LINGO1: variants seen among roughly 807,000 people sequenced by gnomAD.
LINGO1 encodes the protein leucine-rich repeat and immunoglobulin-like domain-containing nogo receptor-interacting protein 1.
A neutral mutation model predicts 37.3 loss-of-function variants in LINGO1; 11 were observed. The ratio of observed to expected loss-of-function variants is 0.29; its 90% CI spans 0.19 to 0.49. The LOEUF is 0.49. Among genes scored for constraint, LINGO1 ranks in the 20% least tolerant of loss-of-function variants. The pLI is 0.99. For missense variants in LINGO1, 585 were observed against 878.2 expected (o/e 0.67, Z 4.22); for synonymous variants, 387 against 403.0 (o/e 0.96, Z 0.48).
In LINGO1 at chr15:77,683,782, C is replaced by T. The variant is rs568537253; in HGVS notation, c.-98-6608G>A. ...GGACTTTCCTACTTTACAGGACACA[C>T]TTCTATATTGTTTCCGTTTTTTAAT... On this transcript the variant is annotated intron_variant, in intron 2 of 3. Transcript: ENST00000559893. 9.2e-5 allele frequency among the ~76,000 whole-genome samples: 14 copies of T among 151,690 alleles called. No homozygotes were observed. In the East Asian group the frequency reaches 2.7e-3, roughly 29 times the overall value.
At chr15:77,660,097 C>T (rs577189727) in intron 3 of LINGO1, 2 of 152,384 alleles carry the variant, frequency 1.3e-5, no homozygotes, top group South Asian at 2.1e-4. Flanking sequence ...AGTTACTTCT[C>T]CTCTCTGAGC....
chr15:77,658,829 A>G (rs1372585276), intron 3 of LINGO1, among the ~76,000 whole-genome samples: 1 of 150,410 alleles, frequency 6.6e-6, no homozygotes, highest in Non-Finnish European at 1.5e-5. Flanking sequence ...GCAACAGAGG[A>G]GCTAAGACTG....
At chr15:77,779,584 C>T (rs552172153) in intron 1 of LINGO1, among the ~76,000 whole-genome samples, 12 of 152,104 alleles carry the variant, frequency 7.9e-5, no homozygotes, top group Non-Finnish European at 1.6e-4. Context: ...CCCTCACATG[C>T]GCAGTTCACA....
At position 77,632,298 on chromosome 15, in the gene LINGO1, C is replaced by G; in HGVS notation, c.6+12G>C. On this transcript the variant is annotated intron_variant, in intron 1 of 1. Transcript: ENST00000355300. The surrounding 1 kb of genome is among the most constrained non-coding windows in gnomAD (Gnocchi z 6.0). ...TGCCCGCTCGGGGCTCGGCCGCGGC[C>G]GCCTGGCTCACCTGCATCTCGGGCG... 1 of 1,431,142 alleles carries G rather than the reference C, an allele frequency of 7.0e-7. No individual in the cohort carries two copies. The highest frequency in any genetic ancestry group is 9.1e-7 in the Non-Finnish European group (1 of 1,093,238). The allele number at this position is 1,431,142 out of a possible 1,614,324, so 88.7% of individuals were successfully genotyped here.
chr15:77,655,152 T>C (rs886695467), intron 3 of LINGO1, among the ~76,000 whole-genome samples: 1 of 152,216 alleles, frequency 6.6e-6, no homozygotes, highest in South Asian at 2.1e-4. Context: ...AGTGCTGGCC[T>C]CTCTTCATGG....
chr15:77,771,130 T>C (rs2076580847), intron 1 of LINGO1, among the ~76,000 whole-genome samples: 1 of 151,816 alleles, frequency 6.6e-6, no homozygotes, highest in African/African-American at 2.4e-5. Flanking sequence ...CGAGGGAGAG[T>C]TGAACCCGCA....
chr15:77,769,807 A>G (rs2076566163), intron 1 of LINGO1, among the ~76,000 whole-genome samples: 1 of 152,210 alleles, frequency 6.6e-6, no homozygotes, highest in Non-Finnish European at 1.5e-5. Flanking sequence ...AGCAGCCATC[A>G]GCAAGTCTCT....
Position 77,615,664 on chromosome 15 carries a change from G to A in LINGO1, c.243C>T (p.Asn81=). 6.2e-7 allele frequency: 1 copy of A among 1,610,600 alleles called. No homozygotes were observed. Among genetic ancestry groups the A allele is most frequent in the Non-Finnish European group, 8.5e-7 (1 of 1,178,142 alleles). ...TETRLLDLGK[N]RIKTLNQDEF... ...CGTCCTGGTTGAGCGTTTTGATGCG[G>A]TTCTTGCCTAGGTCCAGCAGGCGCG... The change falls in exon 2 of 2, where the codon AAC becomes AAT. Residue 81 remains asparagine (N), a synonymous_variant. Transcript: ENST00000355300.
At chr15:77,640,502 AGTAGGGACT>A (rs1394634193) in intron 3 of LINGO1, among the ~76,000 whole-genome samples, 1 of 152,220 alleles carries the variant, frequency 6.6e-6, no homozygotes, top group Non-Finnish European at 1.5e-5. Context: ...CACCCTGTAA[AGTAGGGACT>A]GTTATTATCC....
intron 2 of LINGO1, among the ~76,000 whole-genome samples, chr15:77,793,833 T>C (rs1476891800): frequency 6.6e-6 from 1 of 152,266 alleles, no homozygotes; most frequent in African/African-American, 2.4e-5. Flanking sequence ...ACATGTTTTG[T>C]AGAAGACTGA....
intron 1 of LINGO1, among the ~76,000 whole-genome samples, chr15:77,781,282 T>TCAGCCAGGCCGGAGC (rs1158731830): frequency 6.6e-6 from 1 of 152,102 alleles, no homozygotes; most frequent in South Asian, 2.1e-4. Flanking sequence ...CAAAGGTAAC[T>TCAGCCAGGCCGGAGC]CAGCCAGGCC....
intron 1 of LINGO1, among the ~76,000 whole-genome samples, chr15:77,814,705 T>G (rs188771460): frequency 5.4e-4 from 82 of 152,346 alleles, no homozygotes; most frequent in African/African-American, 1.9e-3. Context: ...TTGAAGCAGC[T>G]GAGCCAAGAT....
chr15:77,673,032 A>G (rs934458705), intron 3 of LINGO1, among the ~76,000 whole-genome samples: 1 of 152,238 alleles, frequency 6.6e-6, no homozygotes, highest in Non-Finnish European at 1.5e-5. Context: ...AAGGACGCTT[A>G]CCCAACAAAC....
chr15:77,684,391 G>A (rs1350360536), intron 2 of LINGO1, among the ~76,000 whole-genome samples: 2 of 152,216 alleles, frequency 1.3e-5, no homozygotes. Context: ...AATTAGAGGG[G>A]GTAAGTGGAC....
chr15:77,752,112 C>A (rs1327686601), intron 1 of LINGO1, among the ~76,000 whole-genome samples: 5 of 152,214 alleles, frequency 3.3e-5, no homozygotes, highest in Non-Finnish European at 5.9e-5. Flanking sequence ...TTCGTTACCC[C>A]ATGCTGCACC....
chr15:77,665,863 C>T (rs1488294940), intron 3 of LINGO1, among the ~76,000 whole-genome samples: 8 of 152,214 alleles, frequency 5.3e-5, no homozygotes, highest in Non-Finnish European at 1.2e-4. Flanking sequence ...TCCTTTTCCT[C>T]AGTGAATCCA....
intron 1 of LINGO1, among the ~76,000 whole-genome samples, chr15:77,796,711 CTTTTTTT>C (rs59535084): frequency 7.0e-6 from 1 of 142,684 alleles, no homozygotes; most frequent in Non-Finnish European, 1.5e-5. Context: ...CCTCTCCTGC[CTTTTTTT>C]TTTTTTTTAA....
rs566068539 is a variant in LINGO1, at chr15:77,753,372, T to C, written c.-256-18319A>G. On this transcript the variant is annotated intron_variant, in intron 1 of 3. Coordinates refer to the LINGO1 transcript ENST00000561686. ...TGGCTTTGGTGTCTGGCTGTGGAAG[T>C]AGGACTTGGGTCAGAATGACCTGTG... Among the ~76,000 whole-genome samples, 16 of 152,222 alleles carry C rather than the reference T, an allele frequency of 1.1e-4. No homozygotes were observed. The South Asian group carries it at 2.3e-3, about 22-fold the overall frequency.
At chr15:77,754,622 T>C (rs2141372080) in intron 1 of LINGO1, among the ~76,000 whole-genome samples, 1 of 152,338 alleles carries the variant, frequency 6.6e-6, no homozygotes, top group Middle Eastern at 3.4e-3. Context: ...TGGGTGGCAG[T>C]CCCAGCCTAG....
Sources: allele counts gnomAD v4.1 joint callset (sites outside exome capture counted in the v4.1 genomes callset), GRCh38; gene constraint gnomAD v4.1.1; non-coding constraint Gnocchi (gnomAD v3.1); transcripts MANE v1.5; gene names NCBI Gene and HGNC (gene_info 2026-07-23, HGNC 2026-07-21).